Variants in ZFR2 observed in about 807,000 individuals in gnomAD.
ZFR2 encodes zinc finger RNA binding protein 2.
Under a neutral mutation model 105.7 loss-of-function variants are expected in ZFR2, and 104 were observed. The observed-to-expected ratio is 0.98, with a 90% CI of 0.84 to 1.16. ZFR2 has a LOEUF of 1.16. Among genes scored for constraint, ZFR2 ranks in the 50% most tolerant of loss-of-function variants. The pLI is 0.00. For missense variants in ZFR2, 1,425 were observed against 1,355.5 expected (o/e 1.05, Z -0.80); for synonymous variants, 634 against 597.7 (o/e 1.06, Z -0.89).
chr19:3,842,702 C>T (rs1273747668), intron 1 of ZFR2, among the ~76,000 whole-genome samples: 1 of 151,514 alleles, frequency 6.6e-6, no homozygotes, highest in East Asian at 1.9e-4. Flanking sequence ...CAGCTCACTG[C>T]AACCTCTGCC....
chr19:3,855,467 C>A, intron 1 of ZFR2: 1 of 1,231,492 alleles, frequency 8.1e-7, no homozygotes, highest in Non-Finnish European at 1.0e-6. Flanking sequence ...TGGATAAATA[C>A]TTCCTGGGTG....
At chr19:3,835,490 C>CAT (rs57533924) in intron 1 of ZFR2, among the ~76,000 whole-genome samples, 1,811 of 143,628 alleles carry the variant, frequency 0.013, 36 homozygotes, top group African/African-American at 0.039. Context: ...CACGCCCAGC[C>CAT]TTTTTTTTTT....
chr19:3,817,084 G>A (rs1044354092), intron 12 of ZFR2, among the ~76,000 whole-genome samples: 2 of 152,162 alleles, frequency 1.3e-5, no homozygotes, highest in African/African-American at 2.4e-5. Context: ...GCCGGGACGC[G>A]TGGCCAAACC....
At chr19:3,861,308 A>G (rs1179010125) in intron 1 of ZFR2, among the ~76,000 whole-genome samples, 1 of 152,252 alleles carries the variant, frequency 6.6e-6, no homozygotes, top group African/African-American at 2.4e-5. Flanking sequence ...TTAACTTTCT[A>G]GCTAAAAGAA....
At chr19:3,817,608 T>G (rs928244790) in intron 12 of ZFR2, among the ~76,000 whole-genome samples, 1 of 100,342 alleles carries the variant, frequency 1.0e-5, no homozygotes, top group Non-Finnish European at 2.1e-5. Context: ...ATAATAATAA[T>G]TAGCTGGGTG....
intron 1 of ZFR2, among the ~76,000 whole-genome samples, chr19:3,850,250 G>A (rs2038223981): frequency 6.6e-6 from 1 of 152,142 alleles, no homozygotes; most frequent in Non-Finnish European, 1.5e-5. Flanking sequence ...TCAAAGAGGA[G>A]GGGCTCGCTG....
chr19:3,821,987 C>T (rs1332848184), intron 9 of ZFR2, 94 bp downstream of exon 9: 7 of 1,474,962 alleles, frequency 4.7e-6, no homozygotes, highest in African/African-American at 1.4e-5. Context: ...CGTCGGATCA[C>T]ACGCGCGGAA....
rs759305190 is a variant in ZFR2, at chr19:3,813,407, A to T, written c.2242+413T>A. ...ATTCCCTACATTCCTAATCAGTGGCACTGGGACTGTGGTGACTGATGGACA... is the reference window on the plus strand; with the variant it reads ...ATTCCCTACATTCCTAATCAGTGGCTCTGGGACTGTGGTGACTGATGGACA... On this transcript the variant is annotated intron_variant, in intron 14 of 18. Transcript: ENST00000262961. The surrounding 1 kb of genome is among the most constrained non-coding windows in gnomAD (Gnocchi z 4.4). Among the ~76,000 whole-genome samples, 1 of 152,008 alleles carries T rather than the reference A, an allele frequency of 6.6e-6. No homozygotes were observed. Among genetic ancestry groups the T allele is most frequent in the Non-Finnish European group, 1.5e-5 (1 of 67,998 alleles).
intron 10 of ZFR2, 128 bp from the exon 11 acceptor site, chr19:3,820,418 A>C: frequency 1.2e-6 from 1 of 864,316 alleles, no homozygotes; most frequent in Non-Finnish European, 1.7e-6. Flanking sequence ...CTGGGGCTCC[A>C]CTGCACTGCA....
intron 13 of ZFR2, among the ~76,000 whole-genome samples, chr19:3,815,750 ATTTT>A (rs10579892): frequency 3.6e-4 from 49 of 136,952 alleles, no homozygotes; most frequent in Admixed American, 7.3e-4. Flanking sequence ...TGCTCAGCTA[ATTTT>A]TTTTTTTTTT....
rs759519045 is a variant in ZFR2, at chr19:3,821,498, G to T, written c.1492-19C>A. The T allele has an allele frequency of 1.6e-5, 25 of 1,578,086 alleles. No individual in the cohort carries two copies. Among genetic ancestry groups the T allele is most frequent in the Non-Finnish European group, 2.1e-5 (24 of 1,156,100 alleles). ...CTTTCTTCTGGAAAGGACAGGCAAG[G>T]CTCTGAGAGTAGGGACCTTGCTTTA... On this transcript the variant is annotated intron_variant, in intron 9 of 18. Coordinates refer to ENST00000262961, the MANE Select transcript of ZFR2 (RefSeq NM_015174.2).
In ZFR2 at chr19:3,813,395, C is replaced by G. The variant is rs774180387; in HGVS notation, c.2242+425G>C. Among the ~76,000 whole-genome samples, 1 of 152,134 alleles carries G rather than the reference C, an allele frequency of 6.6e-6. No individual in the cohort carries two copies. The highest frequency in any genetic ancestry group is 1.5e-5 in the Non-Finnish European group (1 of 68,026). Reference sequence around the variant, plus strand: ...TTAAGACCCCCGATTCCCTACATTCCTAATCAGTGGCACTGGGACTGTGGT... The same window carrying G: ...TTAAGACCCCCGATTCCCTACATTCGTAATCAGTGGCACTGGGACTGTGGT... On this transcript the variant is annotated intron_variant, in intron 14 of 18. Transcript: ENST00000262961. This position sits in a 1 kb window ranked among gnomAD's most constrained non-coding sequence, Gnocchi z 4.4.
Position 3,823,221 on chromosome 19 carries a change from C to T in ZFR2, c.1371+25G>A, listed in dbSNP as rs1406164522. 2 of 1,613,772 alleles carry T rather than the reference C, an allele frequency of 1.2e-6. No homozygotes were observed. Among genetic ancestry groups the T allele is most frequent in the Non-Finnish European group, 1.7e-6 (2 of 1,179,862 alleles). On this transcript the variant is annotated intron_variant, in intron 8 of 18. Coordinates refer to ENST00000262961, the MANE Select transcript of ZFR2 (RefSeq NM_015174.2). The surrounding 1 kb of genome is among the most constrained non-coding windows in gnomAD (Gnocchi z 5.4). ...GGAAGGTCCTTCCCTGACCGGGGCA[C>T]CAGGACTTGACAGCCTCGACTTACC...
intron 1 of ZFR2, among the ~76,000 whole-genome samples, chr19:3,868,711 G>T (rs1273908367): frequency 1.4e-5 from 2 of 146,412 alleles, no homozygotes; most frequent in Non-Finnish European, 3.0e-5. Flanking sequence ...GCCCCCTCCC[G>T]CTCCCGCCGA....
intron 12 of ZFR2, among the ~76,000 whole-genome samples, chr19:3,817,609 T>A (rs2017043): frequency 0.041 from 3,714 of 90,396 alleles, 147 homozygotes; most frequent in African/African-American, 0.11. Flanking sequence ...TAATAATAAT[T>A]AGCTGGGTGT....
At chr19:3,821,128 G>T (rs1184087410) in intron 10 of ZFR2, among the ~76,000 whole-genome samples, 1 of 152,128 alleles carries the variant, frequency 6.6e-6, no homozygotes, top group Non-Finnish European at 1.5e-5. Flanking sequence ...CCACGTGTCA[G>T]GTCCGCACGC....
intron 14 of ZFR2, 95 bp from the exon 15 acceptor site, chr19:3,811,461 T>A: frequency 5.1e-6 from 3 of 584,120 alleles, no homozygotes; most frequent in Non-Finnish European, 7.7e-6. Context: ...CCCTCGACGC[T>A]TTTTTTTTTT....
In ZFR2 at chr19:3,805,911, A is replaced by G. The variant is rs2037690553; in HGVS notation, c.*38T>C. The G allele has an allele frequency of 6.7e-7, 1 of 1,497,556 alleles. No individual in the cohort carries two copies. 92.8% of individuals were successfully genotyped at this position (1,497,556 alleles called of 1,614,324 possible). ...TCGGCGCGCACACGTCCAGGAGTGCAGGGATGCAAAGGCCCGCAGGTGGGG... is the reference window on the plus strand; with the variant it reads ...TCGGCGCGCACACGTCCAGGAGTGCGGGGATGCAAAGGCCCGCAGGTGGGG... On this transcript the variant is annotated 3_prime_UTR_variant, in exon 19 of 19. Transcript: ENST00000262961.
rs761014652 is a variant in ZFR2 at position 3,833,729 on chromosome 19, C to T, written c.314G>A (p.Arg105Lys). 4 of 1,583,510 alleles carry T rather than the reference C, an allele frequency of 2.5e-6. No individual in the cohort carries two copies. The highest frequency in any genetic ancestry group is 3.4e-6 in the Non-Finnish European group (4 of 1,164,534). Residue 105 changes from arginine (R) to lysine (K), a missense_variant, in exon 3 of 19, where the codon AGG (arginine) becomes AAG (lysine). Transcript: ENST00000262961. ...QSAAARSYEDRPYFQSAALQS... is the reference protein window; with the variant it reads ...QSAAARSYEDKPYFQSAALQS... ...GAGGGCAGCAGACTGGAAGTACGGC[C>T]TGTCCTCATAGCTCCTGGCAGCTGC... is the stretch of plus-strand genomic sequence containing the variant.
Sources: allele counts gnomAD v4.1 joint callset (sites outside exome capture counted in the v4.1 genomes callset), GRCh38; gene constraint gnomAD v4.1.1; non-coding constraint Gnocchi (gnomAD v3.1); transcripts MANE v1.5; gene names NCBI Gene and HGNC (gene_info 2026-07-23, HGNC 2026-07-21).